SLC71A2: variants seen among roughly 807,000 people sequenced by gnomAD.
SLC71A2 encodes the protein solute carrier family 71 member 2.
the SLC71A2 span, among the ~76,000 whole-genome samples, chr9:94,416,141 G>C: frequency 6.6e-6 from 1 of 152,162 alleles, no homozygotes; most frequent in African/African-American, 2.4e-5. Flanking sequence ...ATATTAGGTG[G>C]CTTACAACTA....
At chr9:94,429,975 C>A in the SLC71A2 span, among the ~76,000 whole-genome samples, 13 of 144,428 alleles carry the variant, frequency 9.0e-5, no homozygotes, top group African/African-American at 2.8e-4. Flanking sequence ...GGTGAGATCT[C>A]GGCTCACTGC....
the SLC71A2 span, among the ~76,000 whole-genome samples, chr9:94,438,879 T>A: frequency 2.0e-5 from 3 of 152,220 alleles, no homozygotes; most frequent in African/African-American, 7.2e-5. Flanking sequence ...TTAGTTGACT[T>A]TGTAAATATA....
chr9:94,375,287 C>A, the SLC71A2 span, among the ~76,000 whole-genome samples: 1 of 151,810 alleles, frequency 6.6e-6, no homozygotes, highest in Non-Finnish European at 1.5e-5. Context: ...TTGAATCAGA[C>A]CGTCGACGGG....
the SLC71A2 span, among the ~76,000 whole-genome samples, chr9:94,430,210 A>G: frequency 7.7e-6 from 1 of 130,112 alleles, no homozygotes; most frequent in African/African-American, 3.0e-5. Context: ...ACTGTTCCTC[A>G]TTCTTTTAAA....
At chr9:94,439,828 A>G in the SLC71A2 span, among the ~76,000 whole-genome samples, 1 of 152,054 alleles carries the variant, frequency 6.6e-6, no homozygotes, top group African/African-American at 2.4e-5. Context: ...TTCTGCTACA[A>G]CATGAGCTCT....
At chr9:94,401,205 C>CT in the SLC71A2 span, among the ~76,000 whole-genome samples, 2 of 151,324 alleles carry the variant, frequency 1.3e-5, no homozygotes, top group Admixed American at 6.6e-5. Context: ...GAGTCTCACT[C>CT]TGTCACCCAG....
chr9:94,401,437 C>T, the SLC71A2 span, among the ~76,000 whole-genome samples: 1 of 151,992 alleles, frequency 6.6e-6, no homozygotes, highest in Non-Finnish European at 1.5e-5. Flanking sequence ...CTCCCAAAGT[C>T]CTGGGATTAC....
At chr9:94,426,928 G>C in the SLC71A2 span, among the ~76,000 whole-genome samples, 18 of 152,242 alleles carry the variant, frequency 1.2e-4, no homozygotes, top group Admixed American at 1.3e-4. Flanking sequence ...TTGATCTTCC[G>C]GGCTCAAGGC....
At chr9:94,459,230 T>G in the SLC71A2 span, 6 of 1,614,032 alleles carry the variant, frequency 3.7e-6, no homozygotes, top group Non-Finnish European at 4.2e-6. Flanking sequence ...TCTGGTTGCC[T>G]TATTCATTCC....
the SLC71A2 span, among the ~76,000 whole-genome samples, chr9:94,453,028 A>G: frequency 3.9e-5 from 6 of 152,084 alleles, no homozygotes; most frequent in African/African-American, 1.4e-4. Flanking sequence ...ATGGGAATGC[A>G]TCAAAACAAA....
At chr9:94,458,887 A>T in the SLC71A2 span, among the ~76,000 whole-genome samples, 1 of 152,252 alleles carries the variant, frequency 6.6e-6, no homozygotes, top group Admixed American at 6.5e-5. Context: ...CTGAAGTCAT[A>T]GGATGGGATT....
At chr9:94,460,025 A>G in the SLC71A2 span, 2 of 152,638 alleles carry the variant, frequency 1.3e-5, no homozygotes, top group Non-Finnish European at 2.9e-5. Flanking sequence ...ACTTCTGGAC[A>G]TAATAATATT....
the SLC71A2 span, chr9:94,459,626 A>AAGAT: frequency 1.8e-5 from 9 of 507,978 alleles, no homozygotes; most frequent in African/African-American, 1.7e-4. Context: ...ACATTAGAAC[A>AAGAT]AGATAAGATT....
chr9:94,375,575 T>A, the SLC71A2 span, among the ~76,000 whole-genome samples: 1 of 152,324 alleles, frequency 6.6e-6, no homozygotes, highest in African/African-American at 2.4e-5. Flanking sequence ...GGTGCAATAT[T>A]AAGCCTAGAG....
chr9:94,399,538 A>T, the SLC71A2 span, among the ~76,000 whole-genome samples: 3,312 of 152,272 alleles, frequency 0.022, 120 homozygotes, highest in African/African-American at 0.075. Flanking sequence ...GATTACATGG[A>T]TCATTCTTGC....
At chr9:94,381,407 A>C in the SLC71A2 span, among the ~76,000 whole-genome samples, 47 of 147,490 alleles carry the variant, frequency 3.2e-4, no homozygotes, top group South Asian at 6.5e-4. Context: ...TTTGGCTTTT[A>C]AAAAGTTCAG....
chr9:94,455,144 G>A, the SLC71A2 span, among the ~76,000 whole-genome samples: 6 of 114,402 alleles, frequency 5.2e-5, no homozygotes, highest in East Asian at 2.1e-4. Context: ...CATTTGATCC[G>A]CTTGCTCTTT....
chr9:94,456,353 C>T, the SLC71A2 span: 1 of 1,603,486 alleles, frequency 6.2e-7, no homozygotes, highest in Non-Finnish European at 8.5e-7. Context: ...GTCACTGCCC[C>T]CCACTTGTTT....
At chr9:94,421,359 C>T in the SLC71A2 span, among the ~76,000 whole-genome samples, 1 of 152,108 alleles carries the variant, frequency 6.6e-6, no homozygotes, top group Non-Finnish European at 1.5e-5. Context: ...AGAAACAATC[C>T]TAAGTAATTT....
Sources: gnomAD v4.1 joint callset for allele counts (sites outside exome capture counted in the v4.1 genomes callset) on GRCh38, gnomAD v4.1.1 for gene constraint, MANE v1.5 for transcripts, NCBI Gene and HGNC (gene_info 2026-07-23, HGNC 2026-07-21) for gene names.